Variants in RPE observed in about 807,000 individuals in gnomAD.
RPE encodes the protein ribulose-phosphate 3-epimerase.
A neutral mutation model predicts 24.6 loss-of-function variants in RPE; 16 were observed. The observed-to-expected ratio is 0.65, with a 90% CI of 0.44 to 0.99. The LOEUF is 0.99. Ranked by LOEUF, RPE falls within the 50% of genes least tolerant of loss-of-function variation. The pLI is 0.00. For synonymous variants in RPE, 93 were observed against 98.4 expected, an observed-to-expected ratio of 0.94 and a Z score of 0.33; for missense variants, 240 against 294.5, an observed-to-expected ratio of 0.81 and a Z score of 1.35.
At chr2:210,011,586 A>T (rs745565576) in intron 2 of RPE, among the ~76,000 whole-genome samples, 1 of 152,118 alleles carries the variant, frequency 6.6e-6, no homozygotes, top group Non-Finnish European at 1.5e-5. Flanking sequence ...TCTTTCTAGA[A>T]TTTGGTCTAA....
intron 3 of RPE, 54 bp downstream of exon 3, chr2:210,016,166 T>C (rs1017483661): frequency 2.5e-6 from 4 of 1,613,980 alleles, no homozygotes; most frequent in South Asian, 1.1e-5. Flanking sequence ...TTGGGAAGAT[T>C]TGCGGGAAAC....
intron 2 of RPE, among the ~76,000 whole-genome samples, chr2:210,012,813 G>C (rs1361810518): frequency 6.6e-6 from 1 of 152,210 alleles, no homozygotes; most frequent in African/African-American, 2.4e-5. Flanking sequence ...CGTCCCAACA[G>C]TTAACAAGCT....
chr2:210,007,824 G>C (rs1575298668), intron 1 of RPE, among the ~76,000 whole-genome samples: 1 of 152,328 alleles, frequency 6.6e-6, no homozygotes, highest in Middle Eastern at 3.4e-3. Context: ...ACAAAGCCCA[G>C]ATTTCAGTAG....
At chr2:210,009,813 C>T in intron 2 of RPE, 77 bp downstream of exon 2, 1 of 1,585,450 alleles carries the variant, frequency 6.3e-7, no homozygotes, top group South Asian at 1.1e-5. Flanking sequence ...TTTTAACTTC[C>T]AAGTTCATCT....
chr2:210,014,287 C>T (rs1046375204), intron 2 of RPE, among the ~76,000 whole-genome samples: 8 of 151,884 alleles, frequency 5.3e-5, no homozygotes, highest in Non-Finnish European at 7.4e-5. Flanking sequence ...GATGGGGTTT[C>T]ACCGTGTTAG....
At chr2:210,017,724 G>A in intron 5 of RPE, 165 bp downstream of exon 5, 2 of 537,562 alleles carry the variant, frequency 3.7e-6, no homozygotes, top group South Asian at 1.9e-5. Context: ...ACAGCCATAA[G>A]TGGATATGCT....
Position 210,016,580 on chromosome 2 carries a change from T to C in RPE, c.416T>C (p.Leu139Ser), listed in dbSNP as rs2093775377. 6.2e-7 allele frequency: 1 copy of C among 1,614,256 alleles called. No individual in the cohort carries two copies. The highest frequency in any genetic ancestry group is 8.5e-7 in the Non-Finnish European group (1 of 1,180,044). The part of the protein sequence containing the change: ...APWANQIDMA[L>S]VMTVEPGFGG... ...TGGGCTAATCAGATAGATATGGCCTTGGTTATGACAGTGGAACCGGGGTTT... is the reference window on the plus strand; with the variant it reads ...TGGGCTAATCAGATAGATATGGCCTCGGTTATGACAGTGGAACCGGGGTTT... The change falls in exon 4 of 6, where the codon TTG (leucine) becomes TCG (serine). Residue 139 changes from leucine to serine, a missense_variant. By Grantham distance (145) the Leu-to-Ser change is moderately radical. Transcript: ENST00000359429.
chr2:210,016,490 AT>A lies in RPE; in HGVS notation c.343-14del. On this transcript the variant is annotated splice_polypyrimidine_tract_variant and intron_variant, in intron 3 of 5. Transcript: ENST00000359429. Reference sequence around the variant, plus strand: ...AGTAATTGTAAATGTGATATAGCATATTTGTGTCTGTTACAGGTTGGCCTTG... The same window carrying A: ...AGTAATTGTAAATGTGATATAGCATATTGTGTCTGTTACAGGTTGGCCTTG... 6.2e-7 allele frequency: 1 copy of A among 1,614,220 alleles called. No homozygotes were observed. Among genetic ancestry groups the A allele is most frequent in the Non-Finnish European group, 8.5e-7 (1 of 1,180,034 alleles).
chr2:210,017,912 T>A, intron 5 of RPE: 2 of 527,752 alleles, frequency 3.8e-6, no homozygotes, highest in Non-Finnish European at 6.7e-6. Context: ...GCTTGGCTAA[T>A]TTTTTTATTT....
At chr2:210,018,674 T>G in intron 5 of RPE, 2 of 985,402 alleles carry the variant, frequency 2.0e-6, no homozygotes, top group Non-Finnish European at 2.4e-6. Flanking sequence ...TGTACTAAAC[T>G]GTGCTTTGCC....
intron 1 of RPE, among the ~76,000 whole-genome samples, chr2:210,004,421 C>T (rs1471133014): frequency 1.3e-5 from 2 of 152,066 alleles, no homozygotes; most frequent in Non-Finnish European, 2.9e-5. Flanking sequence ...AGGAATTGGG[C>T]ACAGAGAGGT....
rs2093774591 is a variant in RPE at position 210,016,533 on chromosome 2, C to T, written c.369C>T (p.Thr123=). The T allele has an allele frequency of 1.2e-6, 2 of 1,614,154 alleles. No homozygotes were observed. Among genetic ancestry groups the T allele is most frequent in the Non-Finnish European group, 1.7e-6 (2 of 1,180,038 alleles). ...TTGGCCTTGCCATCAAACCAGGAAC[C>T]TCAGTTGAGTATTTGGCACCATGGG... ...MKVGLAIKPG[T]SVEYLAPWAN... is the part of the protein sequence containing the mutation. Residue 123 remains threonine (T), a synonymous_variant, in exon 4 of 6, where the codon ACC becomes ACT. Coordinates refer to ENST00000359429, the MANE Select transcript of RPE (RefSeq NM_199229.3).
At chr2:210,007,903 A>G (rs1464829490) in intron 1 of RPE, among the ~76,000 whole-genome samples, 1 of 152,152 alleles carries the variant, frequency 6.6e-6, no homozygotes, top group Admixed American at 6.5e-5. Flanking sequence ...TGGCTCTTCC[A>G]TTCTGTAAGG....
At chr2:210,014,050 A>C (rs555718048) in intron 2 of RPE, among the ~76,000 whole-genome samples, 1 of 152,230 alleles carries the variant, frequency 6.6e-6, no homozygotes, top group South Asian at 2.1e-4. Context: ...TGACATAGCT[A>C]GCAGTCTGGT....
chr2:210,016,481 A>T (rs376483631), intron 3 of RPE, 26 bp from the exon 4 acceptor site: 3 of 1,613,998 alleles, frequency 1.9e-6, no homozygotes, highest in Non-Finnish European at 2.5e-6. Flanking sequence ...TGTAAATGTG[A>T]TATAGCATAT....
At chr2:210,016,402 CT>C in intron 3 of RPE, 104 bp from the exon 4 acceptor site, 1 of 1,573,370 alleles carries the variant, frequency 6.4e-7, no homozygotes, top group Non-Finnish European at 8.6e-7. Flanking sequence ...GTCTTGTTAA[CT>C]TTTAAAAAAT....
intron 4 of RPE, among the ~76,000 whole-genome samples, chr2:210,016,985 AGGTG>A (rs1351582756): frequency 6.6e-6 from 1 of 152,166 alleles, no homozygotes; most frequent in Non-Finnish European, 1.5e-5. Context: ...CTAGGACTAC[AGGTG>A]CATACCACCA....
chr2:210,008,005 C>CACA (rs2093652511), intron 1 of RPE, among the ~76,000 whole-genome samples: 1 of 152,152 alleles, frequency 6.6e-6, no homozygotes, highest in Non-Finnish European at 1.5e-5. Context: ...CACTCACAGT[C>CACA]TGGTGGTGAG....
rs1020934347 is a variant in RPE, at chr2:210,020,951, G to A, written c.*1160G>A. On this transcript the variant is annotated 3_prime_UTR_variant, in exon 6 of 6. Coordinates refer to ENST00000359429, the MANE Select transcript of RPE (RefSeq NM_199229.3). ...AGGTAAAAGAAGCTTTTTACTTAAC[G>A]TTGTCTTATTTCCAGTCTAATTTTA... The A allele has an allele frequency of 6.6e-6, 1 of 152,234 alleles. No individual in the cohort carries two copies. Among genetic ancestry groups the A allele is most frequent in the East Asian group, 1.9e-4 (1 of 5,204 alleles). 9.4% of individuals were successfully genotyped at this position (152,234 alleles called of 1,614,324 possible). A position where few individuals can be genotyped will look rare whatever the true frequency, so the allele number is the denominator to read the frequency against.
Sources: gnomAD v4.1 joint callset for allele counts (sites outside exome capture counted in the v4.1 genomes callset) on GRCh38, gnomAD v4.1.1 for gene constraint, MANE v1.5 for transcripts, NCBI Gene and HGNC (gene_info 2026-07-23, HGNC 2026-07-21) for gene names.